Variants in SEMA3D observed in about 807,000 individuals in gnomAD.
The protein encoded by SEMA3D is semaphorin-3D.
SEMA3D carries 84 observed loss-of-function variants against 100.1 expected under a neutral mutation model. The ratio of observed to expected loss-of-function variants is 0.84; its 90% CI spans 0.70 to 1.01. SEMA3D has a LOEUF of 1.01. Among genes scored for constraint, SEMA3D ranks in the 50% least tolerant of loss-of-function variants. The pLI, the probability that SEMA3D is intolerant of heterozygous loss-of-function variation, is 0.00. For synonymous variants in SEMA3D, 312 were observed against 320.7 expected, an observed-to-expected ratio of 0.97 and a Z score of 0.29; for missense variants, 875 against 934.1, an observed-to-expected ratio of 0.94 and a Z score of 0.82.
the SEMA3D span, among the ~76,000 whole-genome samples, chr7:85,228,651 G>C: frequency 1.3e-5 from 2 of 151,946 alleles, no homozygotes; most frequent in Non-Finnish European, 2.9e-5. Context: ...TTTAACAAAA[G>C]AGTTGGTAAT....
intron 3 of SEMA3D, among the ~76,000 whole-genome samples, chr7:85,117,952 A>G (rs989504313): frequency 9.9e-5 from 15 of 151,780 alleles, no homozygotes; most frequent in Non-Finnish European, 1.8e-4. Context: ...AAGAATTTAA[A>G]GATATAATCC....
intron 2 of SEMA3D, among the ~76,000 whole-genome samples, chr7:85,148,241 G>T (rs1790271596): frequency 6.6e-6 from 1 of 152,110 alleles, no homozygotes; most frequent in Non-Finnish European, 1.5e-5. Flanking sequence ...CCTGAGATCT[G>T]TGAGAATTCT....
chr7:85,225,609 T>A, the SEMA3D span, among the ~76,000 whole-genome samples: 1 of 152,264 alleles, frequency 6.6e-6, no homozygotes, highest in East Asian at 1.9e-4. Flanking sequence ...TAGGTACATA[T>A]CCTATCTTAA....
intron 2 of SEMA3D, among the ~76,000 whole-genome samples, chr7:85,152,071 A>G (rs1475723435): frequency 4.6e-5 from 7 of 152,058 alleles, no homozygotes; most frequent in Non-Finnish European, 1.0e-4. Context: ...TTGATTTATT[A>G]ACCATTTATC....
At chr7:85,177,643 G>A (rs1024124145) in intron 1 of SEMA3D, among the ~76,000 whole-genome samples, 5 of 152,014 alleles carry the variant, frequency 3.3e-5, no homozygotes, top group African/African-American at 1.2e-4. Flanking sequence ...TTTTTTGCAT[G>A]AGAGCCTATA....
chr7:85,235,583 C>T, the SEMA3D span, among the ~76,000 whole-genome samples: 1 of 151,942 alleles, frequency 6.6e-6, no homozygotes, highest in African/African-American at 2.4e-5. Context: ...CTGAACAGAA[C>T]CCAGCTAAGG....
chr7:85,010,542 A>G (rs1232287445), intron 17 of SEMA3D, among the ~76,000 whole-genome samples: 1 of 151,818 alleles, frequency 6.6e-6, no homozygotes, highest in African/African-American at 2.4e-5. Context: ...AAGCTTGGCC[A>G]TGAGCCAGAA....
chr7:85,022,565 G>GA lies in SEMA3D; in HGVS notation c.1239dup (p.Pro414SerfsTer3). ...TTTATGAAACTGATGACATCATCTG[G>GA]AAAATCTCGGGTGGACTTAATCAGT... On this transcript the variant is annotated frameshift_variant, in exon 13 of 19. Coordinates refer to ENST00000284136, the MANE Select transcript of SEMA3D (RefSeq NM_001384900.1). LOFTEE classifies it high-confidence loss of function. 1 of 1,612,476 alleles carries GA rather than the reference G, an allele frequency of 6.2e-7. No homozygotes were observed. Among genetic ancestry groups the GA allele is most frequent in the African/African-American group, 1.3e-5 (1 of 74,900 alleles).
In SEMA3D at chr7:84,997,024, T is replaced by A. The variant is rs1789520426; in HGVS notation, c.*2416A>T. The stretch of plus-strand genomic sequence containing the variant: ...TGTTGTTTTTTATTGTGTGAAATTT[T>A]ATTTTACTAATAATATTTTTAATAT... On this transcript the variant is annotated 3_prime_UTR_variant, in exon 19 of 19. Coordinates refer to ENST00000284136, the MANE Select transcript of SEMA3D (RefSeq NM_001384900.1). 1 of 151,748 alleles carries A rather than the reference T, an allele frequency of 6.6e-6. No individual in the cohort carries two copies. Among genetic ancestry groups the A allele is most frequent in the Non-Finnish European group, 1.5e-5 (1 of 67,836 alleles). 9.4% of individuals were successfully genotyped at this position (151,748 alleles called of 1,614,324 possible).
At chr7:85,222,030 T>C in the SEMA3D span, among the ~76,000 whole-genome samples, 1 of 152,030 alleles carries the variant, frequency 6.6e-6, no homozygotes, top group African/African-American at 2.4e-5. Context: ...CCAATCAAAT[T>C]TAGCTGTCTA....
intron 1 of SEMA3D, among the ~76,000 whole-genome samples, chr7:85,178,771 C>T (rs1791312587): frequency 6.6e-6 from 1 of 152,156 alleles, no homozygotes; most frequent in South Asian, 2.1e-4. Flanking sequence ...GAAATGTCTC[C>T]AGGGCATGTC....
the SEMA3D span, among the ~76,000 whole-genome samples, chr7:85,210,965 G>A: frequency 2.0e-5 from 3 of 152,070 alleles, no homozygotes; most frequent in African/African-American, 7.2e-5. Context: ...AGACAATATT[G>A]TAGATGCTGG....
At chr7:85,207,212 T>G in the SEMA3D span, among the ~76,000 whole-genome samples, 1 of 152,210 alleles carries the variant, frequency 6.6e-6, no homozygotes, top group Non-Finnish European at 1.5e-5. Context: ...TTACTGGTCA[T>G]AAGTAGAAAG....
intron 2 of SEMA3D, among the ~76,000 whole-genome samples, chr7:85,146,423 C>T (rs1790205833): frequency 1.3e-5 from 2 of 151,812 alleles, no homozygotes; most frequent in South Asian, 4.2e-4. Context: ...GGTGTGGTGG[C>T]AGGACCTGTA....
At chr7:85,071,303 A>G (rs1791767268) in intron 6 of SEMA3D, among the ~76,000 whole-genome samples, 1 of 152,150 alleles carries the variant, frequency 6.6e-6, no homozygotes, top group African/African-American at 2.4e-5. Flanking sequence ...GTGGCTCAGA[A>G]ATTTAACTGT....
At chr7:85,042,899 T>G (rs570642911) in intron 9 of SEMA3D, among the ~76,000 whole-genome samples, 17 of 152,134 alleles carry the variant, frequency 1.1e-4, no homozygotes, top group Non-Finnish European at 1.9e-4. Context: ...CTTAGCATAG[T>G]CTCAGGCAAC....
intron 2 of SEMA3D, among the ~76,000 whole-genome samples, chr7:85,146,822 A>G (rs1790218817): frequency 6.6e-6 from 1 of 152,028 alleles, no homozygotes; most frequent in African/African-American, 2.4e-5. Flanking sequence ...TGCAGGCTAC[A>G]AAAGGATGCT....
chr7:85,039,289 A>G (rs568552957), intron 11 of SEMA3D, among the ~76,000 whole-genome samples: 2 of 152,258 alleles, frequency 1.3e-5, no homozygotes, highest in South Asian at 4.1e-4. Context: ...TGTTTGAGAC[A>G]GAGTTTTGCT....
At chr7:85,169,604 T>C (rs959917381) in intron 1 of SEMA3D, among the ~76,000 whole-genome samples, 3 of 152,018 alleles carry the variant, frequency 2.0e-5, no homozygotes, top group Non-Finnish European at 4.4e-5. Context: ...TGATTTTGGA[T>C]ATCTTTGATT....
Sources: gnomAD v4.1 joint callset for allele counts (sites outside exome capture counted in the v4.1 genomes callset) on GRCh38, gnomAD v4.1.1 for gene constraint, MANE v1.5 for transcripts, NCBI Gene and HGNC (gene_info 2026-07-23, HGNC 2026-07-21) for gene names.